WBP11: variants seen among roughly 807,000 people sequenced by gnomAD.
WBP11 encodes WW domain-binding protein 11.
WBP11 carries 12 observed loss-of-function variants against 66.7 expected under a neutral mutation model. The observed-to-expected ratio is 0.18, with a 90% CI of 0.12 to 0.29. WBP11 has a LOEUF of 0.29. WBP11 is among the 10% of genes least tolerant of loss of function. The pLI is 1.00. For missense variants in WBP11, 555 were observed against 818.3 expected (o/e 0.68, Z 3.93); for synonymous variants, 255 against 273.8 (o/e 0.93, Z 0.68).
chr12:14,800,691 C>T, intron 3 of WBP11, 61 bp downstream of exon 3: 1 of 1,434,654 alleles, frequency 7.0e-7, no homozygotes, highest in Non-Finnish European at 9.7e-7. Context: ...CCCACTAATC[C>T]CAAATCACAA....
Position 14,790,848 on chromosome 12 carries a change from C to G in WBP11, c.1016-99G>C, listed in dbSNP as rs1949813543. ...TACACATGGTTAATAAATGTGTTCTCAAAATTAAAAACCAAATAGTCTTCT... is the reference window on the plus strand; with the variant it reads ...TACACATGGTTAATAAATGTGTTCTGAAAATTAAAAACCAAATAGTCTTCT... On this transcript the variant is annotated intron_variant, in intron 9 of 11. Transcript: ENST00000261167. 3 of 1,237,332 alleles carry G rather than the reference C, an allele frequency of 2.4e-6. No individual in the cohort carries two copies. The South Asian group carries it at 4.4e-5, about 18-fold the overall frequency. 76.6% of individuals were successfully genotyped at this position (1,237,332 alleles called of 1,614,324 possible). A position where few individuals can be genotyped will look rare whatever the true frequency, so the allele number is the denominator to read the frequency against.
chr12:14,798,319 C>T (rs1220398996), intron 4 of WBP11, among the ~76,000 whole-genome samples: 3 of 152,032 alleles, frequency 2.0e-5, no homozygotes, highest in Admixed American at 6.6e-5. Context: ...AGTTTTCTTA[C>T]CTGTATAATA....
At chr12:14,801,255 A>T in intron 2 of WBP11, 65 bp downstream of exon 2, 8 of 1,488,338 alleles carry the variant, frequency 5.4e-6, no homozygotes, top group Non-Finnish European at 7.5e-6. Context: ...AGAGAAAGAA[A>T]TTCCCTAATA....
At chr12:14,797,594 G>T (rs867386067) in intron 4 of WBP11, among the ~76,000 whole-genome samples, 2 of 152,158 alleles carry the variant, frequency 1.3e-5, no homozygotes, top group East Asian at 3.8e-4. Flanking sequence ...TCTATCCCAA[G>T]AATAAGACCT....
At position 14,790,665 on chromosome 12, in the gene WBP11, T is replaced by A; in HGVS notation, c.1100A>T (p.Glu367Val). 6.2e-7 allele frequency: 1 copy of A among 1,614,230 alleles called. No individual in the cohort carries two copies. Among genetic ancestry groups the A allele is most frequent in the Non-Finnish European group, 8.5e-7 (1 of 1,180,028 alleles). Residue 367 changes from glutamate to valine, a missense_variant, in exon 10 of 12, where the codon GAA (glutamate) becomes GTA (valine). Coordinates refer to ENST00000261167, the MANE Select transcript of WBP11 (RefSeq NM_016312.3). ...DEDDSDDSEA[E>V]KQSQKQHKEE... ...TTTATGCTGCTTTTGTGATTGCTTT[T>A]CTGCTTCAGAGTCATCAGAATCATC...
chr12:14,791,246 A>T lies in WBP11; in HGVS notation c.938T>A (p.Met313Lys), dbSNP rs772845361. ...KSGLSVRFADMPGKSRKKKKN... is the reference protein window; with the variant it reads ...KSGLSVRFADKPGKSRKKKKN... Reference sequence around the variant, plus strand: ...CTTTTTCTTCCTTGATTTTCCAGGCATATCTGCAAACCGTACACTCAGACC... The same window carrying T: ...CTTTTTCTTCCTTGATTTTCCAGGCTTATCTGCAAACCGTACACTCAGACC... Residue 313 changes from methionine (M) to lysine (K), a missense_variant, in exon 9 of 12, where the codon ATG (methionine) becomes AAG (lysine). Met to Lys is a moderately conservative substitution (Grantham distance 95). Around this residue, in one of 6 missense-constraint regions of WBP11, gnomAD observed 220 missense variants for 268.2 expected, o/e 0.82. Coordinates refer to ENST00000261167, the MANE Select transcript of WBP11 (RefSeq NM_016312.3). The T allele has an allele frequency of 5.0e-6, 8 of 1,614,004 alleles. No homozygotes were observed. The highest frequency in any genetic ancestry group is 6.8e-6 in the Non-Finnish European group (8 of 1,180,012).
chr12:14,803,121 T>C lies in WBP11; in HGVS notation c.-46+231A>G, dbSNP rs1408425624. On this transcript the variant is annotated intron_variant, in intron 1 of 11. Coordinates refer to ENST00000261167, the MANE Select transcript of WBP11 (RefSeq NM_016312.3). Reference sequence around the variant, plus strand: ...TACAAGACGTCAAACCTAAGGCTACTAATCAACGTGCGTAAGAAGCGGCCC... The same window carrying C: ...TACAAGACGTCAAACCTAAGGCTACCAATCAACGTGCGTAAGAAGCGGCCC... 4.6e-5 allele frequency among the ~76,000 whole-genome samples: 7 copies of C among 152,166 alleles called. No individual in the cohort carries two copies. The South Asian group carries it at 1.0e-3, about 23-fold the overall frequency.
intron 1 of WBP11, 24 bp downstream of exon 1, chr12:14,803,326 GTA>G (rs763129726): frequency 0.027 from 10,881 of 398,374 alleles, 168 homozygotes; most frequent in Middle Eastern, 0.061. Flanking sequence ...GTGAGGAAGA[GTA>G]GTAAATCAAT....
chr12:14,788,483 G>GA (rs897910712), intron 11 of WBP11, among the ~76,000 whole-genome samples: 4 of 150,794 alleles, frequency 2.7e-5, no homozygotes, highest in Non-Finnish European at 5.9e-5. Context: ...AGAGAGAGAG[G>GA]AAAAAAAGCC....
At chr12:14,792,582 C>G (rs2137233089) in intron 8 of WBP11, among the ~76,000 whole-genome samples, 1 of 152,114 alleles carries the variant, frequency 6.6e-6, no homozygotes, top group Admixed American at 6.5e-5. Context: ...CCTGTATTCC[C>G]AGCACTTTGG....
intron 7 of WBP11, among the ~76,000 whole-genome samples, chr12:14,794,140 G>C (rs905055576): frequency 4.6e-5 from 7 of 150,838 alleles, no homozygotes; most frequent in Non-Finnish European, 8.8e-5. Context: ...GGTAATTTAA[G>C]ATTTTTTTAA....
At position 14,790,439 on chromosome 12, in the gene WBP11, A is replaced by T. The variant is rs763064344; in HGVS notation, c.1309+17T>A. ...CTAACCTCATTTAAACTTTATTCAC[A>T]TTATGTAAGTGTTTACCTGGAGGTG... On this transcript the variant is annotated intron_variant, in intron 10 of 11. Transcript: ENST00000261167. The T allele has an allele frequency of 1.2e-6, 2 of 1,610,316 alleles. No individual in the cohort carries two copies. The highest frequency in any genetic ancestry group is 1.7e-6 in the Non-Finnish European group (2 of 1,178,160).
Position 14,786,715 on chromosome 12 carries a change from A to T in WBP11, c.*350T>A, listed in dbSNP as rs1333530379. 2.3e-5 allele frequency: 4 copies of T among 177,388 alleles called. No individual in the cohort carries two copies. The highest frequency in any genetic ancestry group is 4.7e-5 in the African/African-American group (2 of 42,460). The allele number at this position is 177,388 out of a possible 1,614,324, so 11.0% of individuals were successfully genotyped here. On this transcript the variant is annotated 3_prime_UTR_variant, in exon 12 of 12. Coordinates refer to ENST00000261167, the MANE Select transcript of WBP11 (RefSeq NM_016312.3). The stretch of plus-strand genomic sequence containing the variant: ...ATAAACTGTTTTTTTTTCTCCAGAA[A>T]TCTCTACTCCAGTGCCCACAGCACA...
Position 14,793,900 on chromosome 12 carries a change from A to T in WBP11, c.744T>A (p.Asp248Glu). 6.2e-7 allele frequency: 1 copy of T among 1,611,268 alleles called. No homozygotes were observed. Among genetic ancestry groups the T allele is most frequent in the Non-Finnish European group, 8.5e-7 (1 of 1,178,378 alleles). Residue 248 changes from aspartate to glutamate, a missense_variant, in exon 8 of 12, where the codon GAT becomes GAA. Around this residue, in one of 6 missense-constraint regions of WBP11, gnomAD observed 220 missense variants for 268.2 expected, o/e 0.82. Transcript: ENST00000261167. ...PELAQRGHDD[D>E]VSSTSEDDGY... ...CATCATCTTCACTGGTGCTAGAAAC[A>T]TCATCATCATGACCTCGCTGGGCTG...
Position 14,796,726 on chromosome 12 carries a change from C to T in WBP11, c.387+81G>A. On this transcript the variant is annotated intron_variant, in intron 5 of 11. Coordinates refer to ENST00000261167, the MANE Select transcript of WBP11 (RefSeq NM_016312.3). The surrounding 1 kb of genome is among the most constrained non-coding windows in gnomAD (Gnocchi z 4.5). ...CAACAACCCTAAATCCAAAACACTT[C>T]TGGTCCCAAGCACTTTGCATAAGGG... The T allele has an allele frequency of 7.5e-7, 1 of 1,324,894 alleles. No individual in the cohort carries two copies. Among genetic ancestry groups the T allele is most frequent in the Non-Finnish European group, 1.0e-6 (1 of 982,264 alleles). 82.1% of individuals were successfully genotyped at this position (1,324,894 alleles called of 1,614,324 possible). A position where few individuals can be genotyped will look rare whatever the true frequency, so the allele number is the denominator to read the frequency against.
At position 14,800,611 on chromosome 12, in the gene WBP11, T is replaced by C. The variant is rs960868887; in HGVS notation, c.96+141A>G. On this transcript the variant is annotated intron_variant, in intron 3 of 11. Transcript: ENST00000261167. ...AGTTCCTAAATAAAGTTTGGCTTAG[T>C]ATATCTTACAGTTTTTATAAAAAGC... 1.2e-5 allele frequency: 9 copies of C among 772,188 alleles called. No individual in the cohort carries two copies. In the Admixed American group the frequency reaches 1.9e-4, roughly 17 times the overall value. The allele number at this position is 772,188 out of a possible 1,614,324, so 47.8% of individuals were successfully genotyped here.
rs1949900387 is a variant in WBP11, at chr12:14,796,913, C to T, written c.281G>A (p.Arg94Gln). 1 of 1,611,538 alleles carries T rather than the reference C, an allele frequency of 6.2e-7. No homozygotes were observed. The highest frequency in any genetic ancestry group is 8.5e-7 in the Non-Finnish European group (1 of 1,179,230). The change falls in exon 5 of 12, where the codon CGA becomes CAA. Residue 94 changes from arginine (R) to glutamine (Q), a missense_variant. Around this residue, in one of 6 missense-constraint regions of WBP11, gnomAD observed 43 missense variants for 142.1 expected, o/e 0.30. Coordinates refer to ENST00000261167, the MANE Select transcript of WBP11 (RefSeq NM_016312.3). This position sits in a 1 kb window ranked among gnomAD's most constrained non-coding sequence, Gnocchi z 4.5. ...KLRETFERILRLYEKENPDIY... is the reference protein window; with the variant it reads ...KLRETFERILQLYEKENPDIY... ...ATCTGGATTCTCTTTTTCATAGAGT[C>T]GTAGAATACGTTCAAAGGTTTCACG...
In WBP11 at chr12:14,794,269, G is replaced by A. The variant is rs533777746; in HGVS notation, c.721+268C>T. On this transcript the variant is annotated intron_variant, in intron 7 of 11. Coordinates refer to ENST00000261167, the MANE Select transcript of WBP11 (RefSeq NM_016312.3). ...AGTCTGATGACAATAAAGCTAAAAG[G>A]GAACCAGATATACAAGTCTTAAAGG... Among the ~76,000 whole-genome samples, 15 of 152,192 alleles carry A rather than the reference G, an allele frequency of 9.9e-5. No individual in the cohort carries two copies. In the South Asian group the frequency reaches 2.3e-3, roughly 23 times the overall value.
rs950538049 is a variant in WBP11, at chr12:14,794,957, C to A, written c.521+14G>T. Reference sequence around the variant, plus strand: ...TTTACTAAATGCTCTCTGATTGTGACACTGCTTCCTTACCCATAGGCTGAG... The same window carrying A: ...TTTACTAAATGCTCTCTGATTGTGAAACTGCTTCCTTACCCATAGGCTGAG... On this transcript the variant is annotated intron_variant, in intron 6 of 11. Coordinates refer to ENST00000261167, the MANE Select transcript of WBP11 (RefSeq NM_016312.3). 5.6e-6 allele frequency: 9 copies of A among 1,611,994 alleles called. No homozygotes were observed. The African/African-American group carries it at 1.1e-4, about 19-fold the overall frequency.
Sources: allele counts gnomAD v4.1 joint callset (sites outside exome capture counted in the v4.1 genomes callset), GRCh38; gene constraint gnomAD v4.1.1; regional missense constraint gnomAD v4.1.1; non-coding constraint Gnocchi (gnomAD v3.1); transcripts MANE v1.5; gene names NCBI Gene and HGNC (gene_info 2026-07-23, HGNC 2026-07-21).